Variants in TKT observed in about 807,000 individuals in gnomAD.
TKT encodes the protein epididymis luminal protein 107.
TKT carries 47 observed loss-of-function variants against 63.9 expected under a neutral mutation model. That is an observed-to-expected ratio of 0.74 (90% CI 0.58 to 0.94). The LOEUF is 0.94. TKT is among the 40% of genes least tolerant of loss of function. The pLI, the probability that TKT is intolerant of heterozygous loss-of-function variation, is 0.00. For synonymous variants in TKT, 338 were observed against 334.1 expected, an observed-to-expected ratio of 1.01 and a Z score of -0.13; for missense variants, 721 against 846.2, an observed-to-expected ratio of 0.85 and a Z score of 1.84.
chr3:53,245,612 C>A (rs1553680776), intron 1 of TKT, among the ~76,000 whole-genome samples: 1 of 152,062 alleles, frequency 6.6e-6, no homozygotes, highest in African/African-American at 2.4e-5. Flanking sequence ...TGGTGAAACC[C>A]CGTCTCTACT....
intron 1 of TKT, among the ~76,000 whole-genome samples, chr3:53,253,596 C>T (rs1180868143): frequency 1.3e-5 from 2 of 152,202 alleles, no homozygotes; most frequent in African/African-American, 4.8e-5. Flanking sequence ...GAAACCCCAT[C>T]TCTACTAAAA....
Position 53,256,022 on chromosome 3 carries a change from G to T in TKT, c.-80C>A. 1 of 951,548 alleles carries T rather than the reference G, an allele frequency of 1.1e-6. No homozygotes were observed. Among genetic ancestry groups the T allele is most frequent in the Non-Finnish European group, 1.4e-6 (1 of 706,844 alleles). 58.9% of individuals were successfully genotyped at this position (951,548 alleles called of 1,614,324 possible). ...TCCCGCGGCGACAGGCGGCTGCCGA[G>T]GCCGGGCGCGGGGCGGGGGCGCGTT... On this transcript the variant is annotated 5_prime_UTR_variant, in exon 1 of 14. Coordinates refer to ENST00000462138, the MANE Select transcript of TKT (RefSeq NM_001064.4).
chr3:53,237,879 C>G (rs1175483310), intron 4 of TKT: 2 of 149,968 alleles, frequency 1.3e-5, no homozygotes, highest in Non-Finnish European at 3.0e-5. Flanking sequence ...GGGCCGAGAT[C>G]GTACCACTGC....
At chr3:53,226,604 T>A in intron 13 of TKT, 152 bp downstream of exon 13, 2 of 1,146,742 alleles carry the variant, frequency 1.7e-6, no homozygotes, top group South Asian at 2.9e-5. Flanking sequence ...CCTGAGGCCT[T>A]TTAAGAGACC....
chr3:53,239,258 T>C (rs1466816994), intron 4 of TKT, among the ~76,000 whole-genome samples: 2 of 152,182 alleles, frequency 1.3e-5, no homozygotes, highest in South Asian at 2.1e-4. Flanking sequence ...GGTATGCCTT[T>C]ATCAGCAGTG....
chr3:53,249,991 T>TA (rs1705680056), intron 1 of TKT, among the ~76,000 whole-genome samples: 1 of 152,178 alleles, frequency 6.6e-6, no homozygotes, highest in African/African-American at 2.4e-5. Flanking sequence ...GGACATCAGT[T>TA]AGAGTCCATA....
intron 6 of TKT, chr3:53,231,921 T>G: frequency 3.6e-6 from 1 of 275,488 alleles, no homozygotes; most frequent in Non-Finnish European, 6.8e-6. Flanking sequence ...GGTAGAGGTG[T>G]CTGCTGCAGA....
At chr3:53,239,186 G>T (rs1482349325) in intron 4 of TKT, among the ~76,000 whole-genome samples, 17 of 152,168 alleles carry the variant, frequency 1.1e-4, no homozygotes, top group African/African-American at 4.1e-4. Context: ...GCATGACTGT[G>T]AGGCCTCCCT....
At chr3:53,255,127 C>T (rs1553682093) in intron 1 of TKT, among the ~76,000 whole-genome samples, 1 of 152,232 alleles carries the variant, frequency 6.6e-6, no homozygotes, top group African/African-American at 2.4e-5. Context: ...ACCCACGTGC[C>T]ACCGCCCTCC....
At chr3:53,233,890 A>C (rs988884826) in intron 5 of TKT, 1 of 152,336 alleles carries the variant, frequency 6.6e-6, no homozygotes, top group East Asian at 1.9e-4. Context: ...AAGCCTCACC[A>C]CGCCATGCTT....
Position 53,225,854 on chromosome 3 carries a change from C to G in TKT, c.1774G>C (p.Val592Leu). The G allele has an allele frequency of 6.2e-7, 1 of 1,614,096 alleles. No individual in the cohort carries two copies. The highest frequency in any genetic ancestry group is 1.7e-5 in the Admixed American group (1 of 60,010). Residue 592 changes from valine (V) to leucine (L), a missense_variant, in exon 14 of 14, where the codon GTA becomes CTA. Physicochemically the swap from Val to Leu is conservative, Grantham distance 32. Transcript: ENST00000462138. ...TCAGCCGGCTTCCCACTTCTTGGTA[C>G]CCGGTTAACTGCCAGGTGGGTGACA... ...ITVTHLAVNR[V>L]PRSGKPAELL...
chr3:53,242,066 G>T, intron 2 of TKT, 59 bp downstream of exon 2: 1 of 1,512,052 alleles, frequency 6.6e-7, no homozygotes, highest in Non-Finnish European at 9.2e-7. Context: ...CCATTCCAGG[G>T]CCCGTGTGAC....
chr3:53,227,011 G>T, intron 12 of TKT, 133 bp from the exon 13 acceptor site: 1 of 1,151,648 alleles, frequency 8.7e-7, no homozygotes, highest in Non-Finnish European at 1.2e-6. Flanking sequence ...CCCTGTCCCA[G>T]GGAGAACCAC....
chr3:53,255,301 C>A (rs1553682119), intron 1 of TKT, among the ~76,000 whole-genome samples: 32 of 152,210 alleles, frequency 2.1e-4, no homozygotes, highest in Non-Finnish European at 2.9e-5. Flanking sequence ...GAATTAAAAA[C>A]AGGGTCTCTA....
At position 53,225,752 on chromosome 3, in the gene TKT, C is replaced by T. The variant is rs782579128; in HGVS notation, c.*4G>A. ...AGACCCCCGCCCCACACTTCATACC[C>T]GCCCTAGGCCTTGGTGATGAGGCCC... On this transcript the variant is annotated 3_prime_UTR_variant, in exon 14 of 14. Transcript: ENST00000462138. 29 of 1,605,158 alleles carry T rather than the reference C, an allele frequency of 1.8e-5. No individual in the cohort carries two copies. Among genetic ancestry groups the T allele is most frequent in the East Asian group, 6.7e-5 (3 of 44,654 alleles).
Position 53,255,899 on chromosome 3 carries a change from A to C in TKT, c.44T>G (p.Leu15Trp). 2.6e-6 allele frequency: 4 copies of C among 1,549,166 alleles called. No homozygotes were observed. The highest frequency in any genetic ancestry group is 3.5e-6 in the Non-Finnish European group (4 of 1,148,108). The change falls in exon 1 of 14, where the codon TTG becomes TGG. Residue 15 changes from leucine to tryptophan, a missense_variant. Physicochemically the swap from Leu to Trp is moderately conservative, Grantham distance 61. Coordinates refer to ENST00000462138, the MANE Select transcript of TKT (RefSeq NM_001064.4). The part of the protein sequence containing the change: ...HKPDQQKLQA[L>W]KDTANRLRIS... ...ACGTAGGCGGTTGGCCGTGTCCTTC[A>C]AGGCCTGCAGCTTCTGCTGGTCAGG... is the stretch of plus-strand genomic sequence containing the variant.
rs546005669 is a variant in TKT at position 53,245,247 on chromosome 3, A to C, written c.108-3005T>G. Among the ~76,000 whole-genome samples, 450 of 149,482 alleles carry C rather than the reference A, an allele frequency of 3.0e-3. 3 individuals are homozygous for C. The highest frequency in any genetic ancestry group is 0.011 in the African/African-American group (435 of 40,704). Reference sequence around the variant, plus strand: ...CTTGAACCTGGGAGCCAGAGGTTGCAGTGAGCCAAGATTGCACCATTGCAC... The same window carrying C: ...CTTGAACCTGGGAGCCAGAGGTTGCCGTGAGCCAAGATTGCACCATTGCAC... On this transcript the variant is annotated intron_variant, in intron 1 of 13. Transcript: ENST00000462138.
intron 6 of TKT, 41 bp from the exon 7 acceptor site, chr3:53,231,591 A>G: frequency 6.3e-7 from 1 of 1,575,372 alleles, no homozygotes; most frequent in Non-Finnish European, 8.6e-7. Context: ...TGGGTAAGAC[A>G]GAAGCTCCCA....
At chr3:53,226,714 G>T (rs782617202) in intron 13 of TKT, 42 bp downstream of exon 13, 1 of 1,613,446 alleles carries the variant, frequency 6.2e-7, no homozygotes, top group East Asian at 2.2e-5. Context: ...CGGCTCTCTG[G>T]CCCTGTCCCT....
Sources: gnomAD v4.1 joint callset for allele counts (sites outside exome capture counted in the v4.1 genomes callset) on GRCh38, gnomAD v4.1.1 for gene constraint, MANE v1.5 for transcripts, NCBI Gene and HGNC (gene_info 2026-07-23, HGNC 2026-07-21) for gene names.